The following LARP1 variants were observed in gnomAD, a reference collection of about 807,000 sequenced individuals.
The protein encoded by LARP1 is La ribonucleoprotein 1, translational regulator, also known as la-related protein 1.
A neutral mutation model predicts 122.7 loss-of-function variants in LARP1; 36 were observed. That is an observed-to-expected ratio of 0.29 (90% CI 0.22 to 0.39). The LOEUF (loss-of-function observed/expected upper bound fraction) is 0.39. LARP1 is among the 10% of genes least tolerant of loss of function. The pLI is 1.00. For missense variants in LARP1, 1,040 were observed against 1,403.6 expected (o/e 0.74, Z 4.14); for synonymous variants, 539 against 528.7 (o/e 1.02, Z -0.27).
At position 154,755,927 on chromosome 5, in the gene LARP1, G is replaced by C. The variant is rs1753842535; in HGVS notation, c.170G>C (p.Arg57Pro). 1.0e-6 allele frequency: 1 copy of C among 1,002,174 alleles called. No individual in the cohort carries two copies. The highest frequency in any genetic ancestry group is 1.7e-5 in the African/African-American group (1 of 57,422). 62.1% of individuals were successfully genotyped at this position (1,002,174 alleles called of 1,614,324 possible). Residue 57 changes from arginine to proline, a missense_variant, in exon 1 of 19, where the codon CGG (arginine) becomes CCG (proline). Transcript: ENST00000518297. ...GEPDGSARRPRPPCAKPHKEG... is the reference protein window; with the variant it reads ...GEPDGSARRPPPPCAKPHKEG... ...CCGGACGGCAGCGCTCGGAGACCCC[G>C]GCCGCCCTGCGCCAAGCCGCACAAG...
intron 1 of LARP1, among the ~76,000 whole-genome samples, chr5:154,779,258 A>C (rs1249113486): frequency 1.3e-5 from 2 of 152,146 alleles, no homozygotes; most frequent in African/African-American, 4.8e-5. Flanking sequence ...CTTGGCTCTC[A>C]TTGATGTGTG....
chr5:154,683,010 C>T (rs577354707), exon 1 of LARP1, among the ~76,000 whole-genome samples: 2 of 152,214 alleles, frequency 1.3e-5, no homozygotes, highest in African/African-American at 4.8e-5. Flanking sequence ...GCGGCGCTGC[C>T]GGCCGTGCTG....
In LARP1 at chr5:154,815,071, C is replaced by T. The variant is rs1357099152; in HGVS notation, c.*975C>T. ...TGCCTGTTTTCCTCGGTGGAGTCAA[C>T]CCGAAGAGCTCCCACCTTCTCTGGA... is the stretch of plus-strand genomic sequence containing the variant. On this transcript the variant is annotated 3_prime_UTR_variant, in exon 19 of 19. Transcript: ENST00000518297. 2 of 152,536 alleles carry T rather than the reference C, an allele frequency of 1.3e-5. No homozygotes were observed. Among genetic ancestry groups the T allele is most frequent in the East Asian group, 3.9e-4 (2 of 5,180 alleles). 9.4% of individuals were successfully genotyped at this position (152,536 alleles called of 1,614,324 possible).
intron 1 of LARP1, among the ~76,000 whole-genome samples, chr5:154,683,878 G>T (rs1753803379): frequency 6.6e-6 from 1 of 152,186 alleles, no homozygotes. Context: ...GAGATGATTT[G>T]GAGCATACAG....
chr5:154,782,596 G>T (rs1436383810), intron 1 of LARP1, among the ~76,000 whole-genome samples: 1 of 152,192 alleles, frequency 6.6e-6, no homozygotes, highest in Non-Finnish European at 1.5e-5. Context: ...GGGCCAAGGG[G>T]ATGCAGACTC....
intron 1 of LARP1, among the ~76,000 whole-genome samples, chr5:154,787,597 T>G (rs555457873): frequency 1.4e-4 from 22 of 152,108 alleles, no homozygotes; most frequent in Non-Finnish European, 2.6e-4. Context: ...ATCTATGAAT[T>G]TTAGATTTTA....
In LARP1 at chr5:154,803,875, C is replaced by A; in HGVS notation, c.2439+130C>A. The A allele has an allele frequency of 1.0e-6, 1 of 990,024 alleles. No individual in the cohort carries two copies. The highest frequency in any genetic ancestry group is 1.5e-6 in the Non-Finnish European group (1 of 657,566). The allele number at this position is 990,024 out of a possible 1,614,324, so 61.3% of individuals were successfully genotyped here. Reference sequence around the variant, plus strand: ...CCTTCACCTGCTCTGTGTTCTGAGGCTGGTGGGCTTACCTAGGATTAGGTA... The same window carrying A: ...CCTTCACCTGCTCTGTGTTCTGAGGATGGTGGGCTTACCTAGGATTAGGTA... On this transcript the variant is annotated intron_variant, in intron 13 of 18. Transcript: ENST00000518297. The surrounding 1 kb of genome is among the most constrained non-coding windows in gnomAD (Gnocchi z 4.4).
At chr5:154,810,153 G>A (rs980497293) in intron 16 of LARP1, among the ~76,000 whole-genome samples, 13 of 152,130 alleles carry the variant, frequency 8.5e-5, no homozygotes, top group Admixed American at 3.9e-4. Flanking sequence ...ATCTAAATCT[G>A]GACTGGGTGC....
intron 1 of LARP1, among the ~76,000 whole-genome samples, chr5:154,689,874 C>G (rs1043136295): frequency 6.6e-6 from 1 of 151,788 alleles, no homozygotes; most frequent in Admixed American, 6.6e-5. Context: ...GTCGGGAGTT[C>G]GAGACCAGCC....
intron 1 of LARP1, among the ~76,000 whole-genome samples, chr5:154,789,791 C>G (rs1340193695): frequency 6.6e-6 from 1 of 152,146 alleles, no homozygotes; most frequent in Admixed American, 6.5e-5. Flanking sequence ...GCTGAGAAGG[C>G]AGACAAAAAT....
At chr5:154,711,445 G>A (rs558121565), upstream of LARP1, among the ~76,000 whole-genome samples, 27 of 152,152 alleles carry the variant, frequency 1.8e-4, no homozygotes, top group African/African-American at 6.3e-4. Flanking sequence ...CGGTAGTGTG[G>A]TACACTCTTA....
chr5:154,809,371 T>TA (rs770668501), intron 16 of LARP1, among the ~76,000 whole-genome samples: 100 of 136,048 alleles, frequency 7.4e-4, no homozygotes, highest in Admixed American at 3.7e-3. Flanking sequence ...ATTTTCAATG[T>TA]AAAATGTGCT....
At chr5:154,805,828 TG>T in intron 14 of LARP1, 52 bp from the exon 15 acceptor site, 2 of 1,582,444 alleles carry the variant, frequency 1.3e-6, no homozygotes, top group South Asian at 2.3e-5. Flanking sequence ...CCTCCTGACA[TG>T]GTGGGGCTGC....
chr5:154,755,076 C>A (rs1224901100), upstream of LARP1, among the ~76,000 whole-genome samples: 1 of 152,002 alleles, frequency 6.6e-6, no homozygotes, highest in Non-Finnish European at 1.5e-5. Context: ...GCGCCCCCAC[C>A]GACAACTCCC....
intron 1 of LARP1, among the ~76,000 whole-genome samples, chr5:154,733,259 A>C (rs1206935349): frequency 6.6e-6 from 1 of 152,234 alleles, no homozygotes; most frequent in Non-Finnish European, 1.5e-5. Context: ...ACTGGTTGAC[A>C]AGTTACGACA....
chr5:154,750,927 A>T (rs959744500), upstream of LARP1, among the ~76,000 whole-genome samples: 1 of 152,208 alleles, frequency 6.6e-6, no homozygotes, highest in African/African-American at 2.4e-5. Context: ...GTTTAAGCAC[A>T]TGATGTGTTT....
At chr5:154,788,086 G>A (rs1013379598) in intron 1 of LARP1, among the ~76,000 whole-genome samples, 9 of 152,222 alleles carry the variant, frequency 5.9e-5, no homozygotes, top group African/African-American at 2.2e-4. Flanking sequence ...TGCACACAGT[G>A]TTGCTGGGTA....
intron 1 of LARP1, among the ~76,000 whole-genome samples, chr5:154,742,729 C>CAAAAAAA (rs542787090): frequency 1.3e-5 from 1 of 77,360 alleles, no homozygotes; most frequent in East Asian, 3.3e-4. Context: ...GACCCTGTCT[C>CAAAAAAA]AAAAAAAAAA....
intron 18 of LARP1, among the ~76,000 whole-genome samples, chr5:154,812,413 A>C (rs1259711261): frequency 3.9e-5 from 6 of 151,940 alleles, no homozygotes; most frequent in Non-Finnish European, 1.5e-5. Context: ...GGGAGGCCTC[A>C]GGAAACTTAA....
Sources: gnomAD v4.1 joint callset for allele counts (sites outside exome capture counted in the v4.1 genomes callset) on GRCh38, gnomAD v4.1.1 for gene constraint, Gnocchi (gnomAD v3.1) non-coding constraint, MANE v1.5 for transcripts, NCBI Gene and HGNC (gene_info 2026-07-23, HGNC 2026-07-21) for gene names.